UBAC2: variants seen among roughly 807,000 people sequenced by gnomAD.
UBAC2 encodes ubiquitin-associated domain-containing protein 2.
In UBAC2, 26 loss-of-function variants were observed where a neutral mutation model predicts 44.0. The ratio of observed to expected loss-of-function variants is 0.59; its 90% CI spans 0.43 to 0.82. The LOEUF (loss-of-function observed/expected upper bound fraction) is 0.82. Ranked by LOEUF, UBAC2 falls within the 40% of genes least tolerant of loss-of-function variation. The pLI, the probability that UBAC2 is intolerant of heterozygous loss-of-function variation, is 0.00. For missense variants in UBAC2, 329 were observed against 419.4 expected, an observed-to-expected ratio of 0.78 and a Z score of 1.88; for synonymous variants, 155 against 154.3, an observed-to-expected ratio of 1.00 and a Z score of -0.04.
chr13:99,266,795 T>C (rs2043749628), intron 4 of UBAC2, among the ~76,000 whole-genome samples: 1 of 152,238 alleles, frequency 6.6e-6, no homozygotes, highest in Non-Finnish European at 1.5e-5. Flanking sequence ...CAGGACATTT[T>C]CATCTTCCCA....
chr13:99,333,874 A>C (rs1460322933), intron 6 of UBAC2, among the ~76,000 whole-genome samples: 1 of 152,148 alleles, frequency 6.6e-6, no homozygotes, highest in African/African-American at 2.4e-5. Flanking sequence ...AAGAGCTTCT[A>C]CCAAATTGTG....
chr13:99,238,467 T>C lies in UBAC2; in HGVS notation c.72T>C (p.Ser24=), dbSNP rs1269542535. ...CGAAGAGCCTTCTGCTGGTCCCCAGTGCCCTCTCCCTCCTGCTCGCCCTCC... is the reference window on the plus strand; with the variant it reads ...CGAAGAGCCTTCTGCTGGTCCCCAGCGCCCTCTCCCTCCTGCTCGCCCTCC... ...PLSKSLLLVP[S]ALSLLLALLL... is the part of the protein sequence containing the mutation. The change falls in exon 2 of 9, where the codon AGT becomes AGC. Residue 24 remains serine, a synonymous_variant. Coordinates refer to ENST00000403766, the MANE Select transcript of UBAC2 (RefSeq NM_001144072.2). 6.8e-6 allele frequency: 11 copies of C among 1,613,980 alleles called. No homozygotes were observed. Among genetic ancestry groups the C allele is most frequent in the East Asian group, 2.2e-5 (1 of 44,892 alleles).
intron 7 of UBAC2, among the ~76,000 whole-genome samples, chr13:99,360,375 C>G (rs146383930): frequency 7.9e-5 from 12 of 152,326 alleles, no homozygotes; most frequent in African/African-American, 2.2e-4. Context: ...TCTTTTGATT[C>G]TCATACTCTC....
intron 4 of UBAC2, among the ~76,000 whole-genome samples, chr13:99,262,823 G>T (rs1428715086): frequency 1.3e-5 from 2 of 151,668 alleles, no homozygotes; most frequent in African/African-American, 4.8e-5. Context: ...TGTGGTTGAG[G>T]ATTTTAGTAC....
At chr13:99,383,264 G>T (rs547267185) in intron 8 of UBAC2, among the ~76,000 whole-genome samples, 3 of 152,248 alleles carry the variant, frequency 2.0e-5, no homozygotes, top group African/African-American at 7.2e-5. Flanking sequence ...AAATGCTCTC[G>T]AGTCAGGTCT....
At position 99,366,879 on chromosome 13, in the gene UBAC2, C is replaced by G. The variant is rs17472302; in HGVS notation, c.808-908C>G. Among the ~76,000 whole-genome samples, 618 of 152,262 alleles carry G rather than the reference C, an allele frequency of 4.1e-3. 2 individuals carry two copies. The highest frequency in any genetic ancestry group is 7.3e-3 in the Non-Finnish European group (498 of 68,012). On this transcript the variant is annotated intron_variant, in intron 7 of 8. Coordinates refer to ENST00000403766, the MANE Select transcript of UBAC2 (RefSeq NM_001144072.2). ...GCCTTGCAACTCCACTTACTTCTTTCATATTTAGCTGTGTATAGAAATATT... is the reference window on the plus strand; with the variant it reads ...GCCTTGCAACTCCACTTACTTCTTTGATATTTAGCTGTGTATAGAAATATT...
At chr13:99,335,722 T>C (rs1018281709) in intron 6 of UBAC2, among the ~76,000 whole-genome samples, 9 of 152,224 alleles carry the variant, frequency 5.9e-5, no homozygotes, top group African/African-American at 2.2e-4. Flanking sequence ...TGTTCCCCTC[T>C]TGGGGATGAT....
intron 1 of UBAC2, among the ~76,000 whole-genome samples, chr13:99,236,053 T>C (rs959914496): frequency 2.0e-5 from 3 of 151,962 alleles, no homozygotes; most frequent in African/African-American, 7.3e-5. Context: ...AAAAATCAAA[T>C]CGAAATGGAT....
chr13:99,248,387 A>T (rs1409002027), intron 4 of UBAC2, among the ~76,000 whole-genome samples: 2 of 139,444 alleles, frequency 1.4e-5, no homozygotes, highest in African/African-American at 5.4e-5. Context: ...ATGCCCACCT[A>T]ATTTTTTTTT....
intron 4 of UBAC2, among the ~76,000 whole-genome samples, chr13:99,310,581 C>T (rs1003999884): frequency 5.9e-5 from 9 of 152,104 alleles, no homozygotes; most frequent in Non-Finnish European, 1.2e-4. Flanking sequence ...GAAATAGCAA[C>T]GGAAAATTTC....
intron 1 of UBAC2, among the ~76,000 whole-genome samples, chr13:99,230,320 G>A (rs930154943): frequency 6.6e-6 from 1 of 151,878 alleles, no homozygotes; most frequent in Non-Finnish European, 1.5e-5. Context: ...AAAAACATGA[G>A]CTGGGCATGG....
chr13:99,320,007 A>G (rs1409147360), intron 6 of UBAC2, among the ~76,000 whole-genome samples: 2 of 152,182 alleles, frequency 1.3e-5, no homozygotes, highest in Non-Finnish European at 2.9e-5. Flanking sequence ...GAAGTACCTT[A>G]TTGTATACGA....
At chr13:99,297,274 A>G (rs188595410) in intron 4 of UBAC2, among the ~76,000 whole-genome samples, 39 of 152,308 alleles carry the variant, frequency 2.6e-4, no homozygotes, top group Admixed American at 2.2e-3. Flanking sequence ...ATTATTTTTA[A>G]AAGAAAAATA....
chr13:99,321,296 ATTTAT>A (rs1485208317), intron 6 of UBAC2, among the ~76,000 whole-genome samples: 1 of 152,070 alleles, frequency 6.6e-6, no homozygotes, highest in Non-Finnish European at 1.5e-5. Flanking sequence ...GTACTGGTTG[ATTTAT>A]TTTGTTTAGG....
At chr13:99,361,585 C>T (rs990474681) in intron 7 of UBAC2, among the ~76,000 whole-genome samples, 7 of 152,166 alleles carry the variant, frequency 4.6e-5, no homozygotes, top group Non-Finnish European at 8.8e-5. Context: ...TACATACATA[C>T]TTATCAGGGT....
At position 99,356,697 on chromosome 13, in the gene UBAC2, A is replaced by G. The variant is rs568190961; in HGVS notation, c.808-11090A>G. Reference sequence around the variant, plus strand: ...CAGAAAGATACAATACACTGTTTTTATAGCACGACACAAAGATCATGGGTG... The same window carrying G: ...CAGAAAGATACAATACACTGTTTTTGTAGCACGACACAAAGATCATGGGTG... On this transcript the variant is annotated intron_variant, in intron 7 of 8. Transcript: ENST00000403766. Among the ~76,000 whole-genome samples, 7 of 152,354 alleles carry G rather than the reference A, an allele frequency of 4.6e-5. No homozygotes were observed. The South Asian group carries it at 6.2e-4, about 14-fold the overall frequency.
intron 1 of UBAC2, among the ~76,000 whole-genome samples, chr13:99,208,595 T>A (rs1489633818): frequency 6.6e-6 from 1 of 152,196 alleles, no homozygotes; most frequent in Admixed American, 6.5e-5. Flanking sequence ...CTTTCCCCCC[T>A]TTTTTTCCCA....
At chr13:99,206,953 A>C (rs1317778898) in intron 1 of UBAC2, among the ~76,000 whole-genome samples, 1 of 152,200 alleles carries the variant, frequency 6.6e-6, no homozygotes, top group Admixed American at 6.5e-5. Context: ...CCTCCAATCC[A>C]GAAGAATGAA....
intron 8 of UBAC2, among the ~76,000 whole-genome samples, chr13:99,369,589 A>G (rs2045378795): frequency 6.6e-6 from 1 of 152,210 alleles, no homozygotes; most frequent in Non-Finnish European, 1.5e-5. Flanking sequence ...TACTAAATGC[A>G]TTTCAACTTA....
Sources: allele counts gnomAD v4.1 joint callset (sites outside exome capture counted in the v4.1 genomes callset), GRCh38; gene constraint gnomAD v4.1.1; transcripts MANE v1.5; gene names NCBI Gene and HGNC (gene_info 2026-07-23, HGNC 2026-07-21).